Variants in MSH6 observed in about 807,000 individuals in gnomAD.
The protein encoded by MSH6 is DNA mismatch repair protein Msh6.
In MSH6, 85 loss-of-function variants were observed where a neutral mutation model predicts 119.1. The ratio of observed to expected loss-of-function variants is 0.71; its 90% CI spans 0.60 to 0.85. MSH6 has a LOEUF of 0.85. Ranked by LOEUF, MSH6 falls within the 40% of genes least tolerant of loss-of-function variation. MSH6 has a pLI of 0.00. For missense variants in MSH6, 2,163 were observed against 1,655.3 expected, an observed-to-expected ratio of 1.31 and a Z score of -5.32; for synonymous variants, 830 against 586.9, an observed-to-expected ratio of 1.41 and a Z score of -5.99.
chr2:47,800,517 A>AT lies in MSH6; in HGVS notation c.2535dup (p.Glu846Ter), dbSNP rs587779241. On this transcript the variant is annotated frameshift_variant, in exon 4 of 10. Transcript: ENST00000234420. LOFTEE classifies it high-confidence loss of function. ...CACCCAGACAGCAGGGCTATAATGT[A>AT]TGAAGAAACTACATACAGCAAGAAG... The AT allele has an allele frequency of 3.7e-6, 6 of 1,613,222 alleles. No individual in the cohort carries two copies. Among genetic ancestry groups the AT allele is most frequent in the Non-Finnish European group, 5.1e-6 (6 of 1,179,794 alleles).
At chr2:47,807,389 T>C (rs1298593299), downstream of MSH6, 3 of 207,852 alleles carry the variant, frequency 1.4e-5, no homozygotes, top group Non-Finnish European at 2.9e-5. Flanking sequence ...ACTCACTTTT[T>C]CTAGGGGTGA....
chr2:47,809,873 T>C, downstream of MSH6: 1 of 553,862 alleles, frequency 1.8e-6, no homozygotes. Flanking sequence ...ACAGTAACAT[T>C]CACTTATCAA....
At chr2:47,787,820 G>A (rs1668438783) in intron 1 of MSH6, among the ~76,000 whole-genome samples, 1 of 152,098 alleles carries the variant, frequency 6.6e-6, no homozygotes, top group South Asian at 2.1e-4. Flanking sequence ...AGGTCTCACT[G>A]TGTAGCCCAG....
chr2:47,809,596 A>T, downstream of MSH6: 1 of 1,604,262 alleles, frequency 6.2e-7, no homozygotes, highest in Non-Finnish European at 8.5e-7. Flanking sequence ...AGACTCCAAC[A>T]TACCTTTCAT....
chr2:47,806,707 C>CAGTAAAAGGGGAAGGGATGATGCACTATG, intron 9 of MSH6, 56 bp downstream of exon 9: 1 of 1,557,492 alleles, frequency 6.4e-7, no homozygotes, highest in East Asian at 2.3e-5. Flanking sequence ...TTCAAAGAAA[C>CAGTAAAAGGGGAAGGGATGATGCACTATG]AGTAAAAGGG....
At chr2:47,797,495 A>G (rs747371438) in intron 3 of MSH6, among the ~76,000 whole-genome samples, 9 of 152,220 alleles carry the variant, frequency 5.9e-5, no homozygotes, top group Non-Finnish European at 1.0e-4. Context: ...GAGACAGCCA[A>G]TTGTGGAAGA....
rs59056100 is a variant in MSH6 at position 47,806,751 on chromosome 2, C to CTTTTT, written c.4002-14_4002-10dup. 52 of 1,444,598 alleles carry CTTTTT rather than the reference C, an allele frequency of 3.6e-5. No homozygotes were observed. The South Asian group carries it at 4.5e-4, about 12-fold the overall frequency. 89.5% of individuals were successfully genotyped at this position (1,444,598 alleles called of 1,614,324 possible). A position where few individuals can be genotyped will look rare whatever the true frequency, so the allele number is the denominator to read the frequency against. Reference sequence around the variant, plus strand: ...GATGCACTATGAAAAAACAAAAAAACTTTTTTTTTTTTTTTTTTAATTTTA... The same window carrying CTTTTT: ...GATGCACTATGAAAAAACAAAAAAACTTTTTTTTTTTTTTTTTTTTTTTAATTTTA... On this transcript the variant is annotated intron_variant, in intron 9 of 9. Transcript: ENST00000234420.
At chr2:47,790,608 A>G (rs748201831) in intron 1 of MSH6, among the ~76,000 whole-genome samples, 130 of 152,222 alleles carry the variant, frequency 8.5e-4, no homozygotes, top group Non-Finnish European at 2.5e-4. Flanking sequence ...GAGAGCATAT[A>G]CAGTGAGTCC....
rs876659442 is a variant in MSH6, at chr2:47,799,941, T to C, written c.1958T>C (p.Val653Ala). ...FREKLSDGIG[V>A]MLPQVLKGMT... is the part of the protein sequence containing the mutation. ...GAAAAGCTAAGTGATGGCATTGGGG[T>C]GATGTTACCCCAGGTGCTTAAAGGT... Residue 653 changes from valine (V) to alanine (A), a missense_variant, in exon 4 of 10, where the codon GTG becomes GCG. Physicochemically the swap from Val to Ala is moderately conservative, Grantham distance 64. Transcript: ENST00000234420. 2 of 1,614,046 alleles carry C rather than the reference T, an allele frequency of 1.2e-6. No homozygotes were observed. The highest frequency in any genetic ancestry group is 2.7e-5 in the African/African-American group (2 of 74,968).
chr2:47,807,161 G>C, downstream of MSH6: 1 of 307,888 alleles, frequency 3.2e-6, no homozygotes, highest in Non-Finnish European at 6.0e-6. Context: ...ATATATACTT[G>C]TCTCAGCTTA....
At chr2:47,789,467 T>C (rs1344985951) in intron 1 of MSH6, 1 of 457,486 alleles carries the variant, frequency 2.2e-6, no homozygotes, top group Non-Finnish European at 4.5e-6. Flanking sequence ...GACATTATTT[T>C]TTTAATTGCT....
chr2:47,806,683 AACTGACCTT>A (rs764928823), intron 9 of MSH6, 32 bp downstream of exon 9: 21 of 1,594,682 alleles, frequency 1.3e-5, no homozygotes, highest in Admixed American at 1.7e-5. Flanking sequence ...AATTATAACT[AACTGACCTT>A]AAGTTTCAAA....
intron 1 of MSH6, among the ~76,000 whole-genome samples, chr2:47,788,935 T>TTTTGTTG (rs1668555400): frequency 1.0e-5 from 1 of 96,674 alleles, no homozygotes; most frequent in African/African-American, 4.8e-5. Flanking sequence ...TTTTTTTTTT[T>TTTTGTTG]TTTTTTTTTT....
At chr2:47,808,054 C>T, downstream of MSH6, 2 of 1,414,450 alleles carry the variant, frequency 1.4e-6, no homozygotes, top group Non-Finnish European at 1.9e-6. Context: ...TTTAAATCTT[C>T]TTCCAAAAAA....
At chr2:47,788,564 CTTTTTCTTTTTTT>C (rs1668491492) in intron 1 of MSH6, among the ~76,000 whole-genome samples, 2 of 121,948 alleles carry the variant, frequency 1.6e-5, no homozygotes, top group Admixed American at 8.5e-5. Flanking sequence ...TTTTCTTTTT[CTTTTTCTTTTTTT>C]TTTTTTTTTT....
downstream of MSH6, chr2:47,807,033 C>T: frequency 1.6e-6 from 1 of 628,608 alleles, no homozygotes; most frequent in Admixed American, 2.7e-5. Context: ...TTGAATACTC[C>T]ACAATATATT....
intron 4 of MSH6, among the ~76,000 whole-genome samples, chr2:47,802,289 C>T (rs1669648004): frequency 6.6e-6 from 1 of 152,200 alleles, no homozygotes; most frequent in Non-Finnish European, 1.5e-5. Flanking sequence ...TCACGGCCAA[C>T]ATTACCTGGA....
At chr2:47,785,957 T>A (rs1668323956) in intron 1 of MSH6, among the ~76,000 whole-genome samples, 1 of 152,236 alleles carries the variant, frequency 6.6e-6, no homozygotes, top group South Asian at 2.1e-4. Flanking sequence ...ATACTAGGTT[T>A]CTAAAGAAAC....
rs755310531 is a variant in MSH6 at position 47,783,184 on chromosome 2, C to A, written c.-50C>A. ...CAGGAGCCGCGCGGTAGATGCGGTG[C>A]TTTTAGGAGCTCCGTCCGACAGAAC... On this transcript the variant is annotated 5_prime_UTR_variant, in exon 1 of 10. It introduces an in-frame stop codon into an upstream open reading frame of the 5' UTR. Transcript: ENST00000234420. 1 of 1,606,624 alleles carries A rather than the reference C, an allele frequency of 6.2e-7. No individual in the cohort carries two copies. Among genetic ancestry groups the A allele is most frequent in the Non-Finnish European group, 8.5e-7 (1 of 1,177,626 alleles).
Sources: gnomAD v4.1 joint callset for allele counts (sites outside exome capture counted in the v4.1 genomes callset) on GRCh38, gnomAD v4.1.1 for gene constraint, MANE v1.5 for transcripts, NCBI Gene and HGNC (gene_info 2026-07-23, HGNC 2026-07-21) for gene names.